Variants in SLC35F5 observed in about 807,000 individuals in gnomAD.
The protein encoded by SLC35F5 is solute carrier family 35 member F5.
SLC35F5 carries 54 observed loss-of-function variants against 68.6 expected under a neutral mutation model. The observed-to-expected ratio is 0.79, with a 90% CI of 0.63 to 0.99. The LOEUF (loss-of-function observed/expected upper bound fraction) is 0.99, where lower values mean the gene tolerates loss of function less well. SLC35F5 is among the 50% of genes least tolerant of loss of function. The pLI, the probability that SLC35F5 is intolerant of heterozygous loss-of-function variation, is 0.00. For missense variants in SLC35F5, 567 were observed against 626.9 expected, an observed-to-expected ratio of 0.90 and a Z score of 1.02; for synonymous variants, 211 against 205.2, an observed-to-expected ratio of 1.03 and a Z score of -0.24.
intron 11 of SLC35F5, among the ~76,000 whole-genome samples, chr2:113,727,304 C>T (rs1687700675): frequency 6.6e-6 from 1 of 152,052 alleles, no homozygotes; most frequent in African/African-American, 2.4e-5. Context: ...TCAGGTAGTT[C>T]TTTATAGCAG....
intron 11 of SLC35F5, among the ~76,000 whole-genome samples, chr2:113,726,604 T>G (rs1305643039): frequency 6.6e-6 from 1 of 152,192 alleles, no homozygotes; most frequent in African/African-American, 2.4e-5. Context: ...GCACCCACTC[T>G]CTGTCTGATG....
chr2:113,730,892 G>GT (rs1687856989), intron 10 of SLC35F5, among the ~76,000 whole-genome samples: 1 of 152,188 alleles, frequency 6.6e-6, no homozygotes, highest in Non-Finnish European at 1.5e-5. Context: ...TAGCCTCAAA[G>GT]TATCCCCCAC....
At chr2:113,725,293 G>A in intron 12 of SLC35F5, 85 bp downstream of exon 12, 1 of 1,286,712 alleles carries the variant, frequency 7.8e-7, no homozygotes, top group Non-Finnish European at 1.1e-6. Flanking sequence ...CACAGGAAGG[G>A]CCACCAGCAA....
intron 3 of SLC35F5, among the ~76,000 whole-genome samples, chr2:113,754,963 A>G (rs899465313): frequency 6.6e-6 from 1 of 152,240 alleles, no homozygotes; most frequent in African/African-American, 2.4e-5. Context: ...AAAAGATACA[A>G]GAAAACTGTA....
chr2:113,735,941 TCTC>T lies in SLC35F5; in HGVS notation c.751-86_751-84del, dbSNP rs1308094484. ...TACAATTCAGAATTCCCTTTTTTGT[TCTC>T]CTCCTAAATACCGTTCTCACAAGAT... On this transcript the variant is annotated intron_variant, in intron 7 of 15. Coordinates refer to ENST00000245680, the MANE Select transcript of SLC35F5 (RefSeq NM_025181.5). The T allele has an allele frequency of 2.2e-5, 19 of 865,802 alleles. No individual in the cohort carries two copies. The East Asian group carries it at 4.1e-4, about 19-fold the overall frequency. The allele number at this position is 865,802 out of a possible 1,614,324, so 53.6% of individuals were successfully genotyped here.
intron 5 of SLC35F5, 105 bp from the exon 6 acceptor site, chr2:113,743,899 T>TTG: frequency 1.2e-6 from 1 of 857,604 alleles, no homozygotes; most frequent in Non-Finnish European, 1.7e-6. Context: ...TAAAACGTGG[T>TTG]TGTTCACCAC....
Position 113,756,584 on chromosome 2 carries a change from G to A in SLC35F5, c.-175C>T, listed in dbSNP as rs1559375096. 1 of 1,427,358 alleles carries A rather than the reference G, an allele frequency of 7.0e-7. No homozygotes were observed. The highest frequency in any genetic ancestry group is 9.2e-7 in the Non-Finnish European group (1 of 1,092,880). 88.4% of individuals were successfully genotyped at this position (1,427,358 alleles called of 1,614,324 possible). The stretch of plus-strand genomic sequence containing the variant: ...AACTCCACTCGGCCCAGGAGGGCGT[G>A]GAGCGGGTGAGGGGAAGGGACGGCA... On this transcript the variant is annotated 5_prime_UTR_variant, in exon 1 of 16. Transcript: ENST00000245680.
chr2:113,707,634 A>G lies in SLC35F5; in HGVS notation c.*7584T>C, dbSNP rs1426853654. Among the ~76,000 whole-genome samples the G allele has an allele frequency of 6.6e-6, 1 of 152,126 alleles. No individual in the cohort carries two copies. Among genetic ancestry groups the G allele is most frequent in the Non-Finnish European group, 1.5e-5 (1 of 68,032 alleles). ...GAGTGCAGTGGTGTGATCTCAGCTC[A>G]CTGCAACCTCTGCCTCTTGGGTTCA... On this transcript the variant is annotated 3_prime_UTR_variant, in exon 16 of 16. Coordinates refer to ENST00000245680, the MANE Select transcript of SLC35F5 (RefSeq NM_025181.5).
chr2:113,726,025 C>T (rs1282158504), intron 11 of SLC35F5, among the ~76,000 whole-genome samples: 1 of 152,162 alleles, frequency 6.6e-6, no homozygotes, highest in East Asian at 1.9e-4. Context: ...TTCCTGCATT[C>T]CCAGACCTCT....
Position 113,725,398 on chromosome 2 carries a change from G to C in SLC35F5, c.1230C>G (p.Leu410=). The C allele has an allele frequency of 6.2e-7, 1 of 1,603,034 alleles. No homozygotes were observed. The highest frequency in any genetic ancestry group is 1.1e-5 in the South Asian group (1 of 88,132). The change falls in exon 12 of 16, where the codon CTC becomes CTG. Residue 410 remains leucine, a synonymous_variant. Coordinates refer to ENST00000245680, the MANE Select transcript of SLC35F5 (RefSeq NM_025181.5). ...CATACCACAACCACAGGAACTCTGA[G>C]AGTACTGTTCCAATAAGGCCATTAA... ...IIINGLIGTV[L]SEFLWLWGCF... is the part of the protein sequence containing the mutation.
intron 10 of SLC35F5, among the ~76,000 whole-genome samples, chr2:113,731,080 T>C (rs749311075): frequency 2.6e-5 from 4 of 152,144 alleles, no homozygotes; most frequent in Non-Finnish European, 4.4e-5. Flanking sequence ...TTACCAAAAA[T>C]GCACAACCTC....
At chr2:113,751,920 A>T (rs1237386055) in intron 3 of SLC35F5, among the ~76,000 whole-genome samples, 1 of 150,928 alleles carries the variant, frequency 6.6e-6, no homozygotes, top group Non-Finnish European at 1.5e-5. Context: ...AATGTTAAAG[A>T]TTAATAAGAT....
chr2:113,711,579 G>A lies in SLC35F5; in HGVS notation c.*3639C>T, dbSNP rs1574198426. Among the ~76,000 whole-genome samples the A allele has an allele frequency of 1.3e-5, 2 of 152,234 alleles. No homozygotes were observed. The highest frequency in any genetic ancestry group is 4.1e-4 in the South Asian group (2 of 4,826). On this transcript the variant is annotated 3_prime_UTR_variant, in exon 16 of 16. Coordinates refer to ENST00000245680, the MANE Select transcript of SLC35F5 (RefSeq NM_025181.5). ...AAATCAACCTCAATTTATCTAAATGGGATTTGGGGGACACGGCAGACTATT... is the reference window on the plus strand; with the variant it reads ...AAATCAACCTCAATTTATCTAAATGAGATTTGGGGGACACGGCAGACTATT...
In SLC35F5 at chr2:113,755,095, G is replaced by C. The variant is rs879096061; in HGVS notation, c.273+70C>G. 5 of 1,467,088 alleles carry C rather than the reference G, an allele frequency of 3.4e-6. No individual in the cohort carries two copies. The South Asian group carries it at 3.7e-5, about 11-fold the overall frequency. The allele number at this position is 1,467,088 out of a possible 1,614,324, so 90.9% of individuals were successfully genotyped here. On this transcript the variant is annotated intron_variant, in intron 3 of 15. Coordinates refer to ENST00000245680, the MANE Select transcript of SLC35F5 (RefSeq NM_025181.5). ...AGAAAGCAGGAGATTGTAACGGCTA[G>C]AGTTACTACAGGTTAAGAGTTAACA...
chr2:113,727,996 C>T (rs1300508925), intron 11 of SLC35F5, among the ~76,000 whole-genome samples: 1 of 152,026 alleles, frequency 6.6e-6, no homozygotes, highest in Non-Finnish European at 1.5e-5. Flanking sequence ...TTAAAATTAT[C>T]TTTTCTTTTT....
intron 4 of SLC35F5, 92 bp downstream of exon 4, chr2:113,750,333 T>C: frequency 8.1e-7 from 1 of 1,235,390 alleles, no homozygotes; most frequent in Non-Finnish European, 1.1e-6. Context: ...ACTTAAAATA[T>C]GACCGTCCTT....
Position 113,713,056 on chromosome 2 carries a change from A to G in SLC35F5, c.*2162T>C, listed in dbSNP as rs1164264607. ...TGAAGGTGCAGAAAGGAAGTCTTCA[A>G]CTGCTCACTCACCATGGCTACAGTA... On this transcript the variant is annotated 3_prime_UTR_variant, in exon 16 of 16. Transcript: ENST00000245680. The G allele has an allele frequency of 6.6e-6, 1 of 152,236 alleles. No homozygotes were observed. Among genetic ancestry groups the G allele is most frequent in the African/African-American group, 2.4e-5 (1 of 41,448 alleles). 9.4% of individuals were successfully genotyped at this position (152,236 alleles called of 1,614,324 possible).
intron 11 of SLC35F5, among the ~76,000 whole-genome samples, chr2:113,727,350 T>C (rs1204539199): frequency 1.3e-5 from 2 of 152,178 alleles, no homozygotes; most frequent in East Asian, 3.8e-4. Flanking sequence ...TTACATCTAT[T>C]GATTAAAAAA....
intron 5 of SLC35F5, among the ~76,000 whole-genome samples, chr2:113,745,110 G>A (rs545086808): frequency 3.3e-5 from 5 of 152,198 alleles, no homozygotes; most frequent in East Asian, 3.9e-4. Context: ...TTTTCATTAC[G>A]GCATCTGGCC....
Sources: allele counts gnomAD v4.1 joint callset (sites outside exome capture counted in the v4.1 genomes callset), GRCh38; gene constraint gnomAD v4.1.1; transcripts MANE v1.5; gene names NCBI Gene and HGNC (gene_info 2026-07-23, HGNC 2026-07-21).